Variants in ZMYM2 observed in about 807,000 individuals in gnomAD.
ZMYM2 encodes the protein zinc finger MYM-type protein 2.
ZMYM2 carries 56 observed loss-of-function variants against 162.8 expected under a neutral mutation model. The ratio of observed to expected loss-of-function variants is 0.34; its 90% confidence interval spans 0.28 to 0.43. ZMYM2 has a LOEUF of 0.43. Among genes scored for constraint, ZMYM2 ranks in the 20% least tolerant of loss-of-function variants. The pLI, the probability that ZMYM2 is intolerant of heterozygous loss-of-function variation, is 1.00. For synonymous variants in ZMYM2, 510 were observed against 541.6 expected (o/e 0.94, Z 0.81); for missense variants, 1,275 against 1,621.8 (o/e 0.79, Z 3.67).
intron 19 of ZMYM2, among the ~76,000 whole-genome samples, chr13:20,065,642 TA>T (rs912241188): frequency 2.0e-5 from 3 of 151,584 alleles, no homozygotes; most frequent in African/African-American, 7.3e-5. Context: ...CTACAAAAAC[TA>T]AAAAATAAAA....
chr13:19,938,641 G>C, the ZMYM2 span, among the ~76,000 whole-genome samples: 1 of 152,084 alleles, frequency 6.6e-6, no homozygotes, highest in South Asian at 2.1e-4. Flanking sequence ...AGATAGACTA[G>C]ACCAAGCAAA....
chr13:19,955,827 G>A (rs1244119430), upstream of ZMYM2, among the ~76,000 whole-genome samples: 2 of 152,128 alleles, frequency 1.3e-5, no homozygotes, highest in African/African-American at 2.4e-5. Context: ...ATAAGGAAAT[G>A]GACTCAGAGA....
intron 9 of ZMYM2, among the ~76,000 whole-genome samples, chr13:20,027,773 A>G (rs993657331): frequency 7.2e-5 from 11 of 152,182 alleles, no homozygotes; most frequent in Non-Finnish European, 2.9e-5. Context: ...ATACAAGATC[A>G]GTTTAGGGAG....
chr13:19,993,013 C>T (rs1949745636), intron 2 of ZMYM2, 50 bp from the exon 3 acceptor site: 1 of 1,511,494 alleles, frequency 6.6e-7, no homozygotes, highest in African/African-American at 1.4e-5. Context: ...GTTAGAGTAA[C>T]ATAAAAAGTC....
At chr13:20,061,328 TG>T in intron 17 of ZMYM2, 104 bp downstream of exon 17, 1 of 1,276,324 alleles carries the variant, frequency 7.8e-7, no homozygotes, top group Non-Finnish European at 1.1e-6. Flanking sequence ...TCAACTTATG[TG>T]GGGGTGAGGA....
the ZMYM2 span, among the ~76,000 whole-genome samples, chr13:19,895,846 C>T: frequency 1.3e-5 from 2 of 151,370 alleles, 1 homozygote; most frequent in South Asian, 4.2e-4. Context: ...TTCACAATAG[C>T]TAAAATGTGG....
At chr13:20,030,518 C>T (rs1953010935) in intron 9 of ZMYM2, among the ~76,000 whole-genome samples, 1 of 151,902 alleles carries the variant, frequency 6.6e-6, no homozygotes, top group Admixed American at 6.6e-5. Context: ...CCTGCCTCAA[C>T]CTCCTGAGTA....
At chr13:19,882,200 T>C in the ZMYM2 span, among the ~76,000 whole-genome samples, 1 of 152,148 alleles carries the variant, frequency 6.6e-6, no homozygotes, top group Non-Finnish European at 1.5e-5. Flanking sequence ...TTAAAAACTT[T>C]TGTGCATCCC....
At chr13:20,016,772 C>T (rs369703279) in intron 6 of ZMYM2, among the ~76,000 whole-genome samples, 4 of 152,036 alleles carry the variant, frequency 2.6e-5, no homozygotes, top group East Asian at 1.9e-4. Flanking sequence ...TCCGTATTTT[C>T]TTTGTCTTTT....
At chr13:20,072,855 T>C (rs1416285451) in intron 21 of ZMYM2, among the ~76,000 whole-genome samples, 1 of 152,152 alleles carries the variant, frequency 6.6e-6, no homozygotes, top group Non-Finnish European at 1.5e-5. Flanking sequence ...GGTAATATTT[T>C]CTTATTATCC....
At chr13:20,035,074 A>G (rs1398104115) in intron 11 of ZMYM2, among the ~76,000 whole-genome samples, 2 of 152,062 alleles carry the variant, frequency 1.3e-5, no homozygotes, top group East Asian at 1.9e-4. Flanking sequence ...TTCACTTTCT[A>G]TCTTTCTTTG....
At chr13:19,989,785 G>A (rs1949461015) in intron 2 of ZMYM2, among the ~76,000 whole-genome samples, 1 of 152,050 alleles carries the variant, frequency 6.6e-6, no homozygotes, top group African/African-American at 2.4e-5. Flanking sequence ...CCCCCACCTC[G>A]CCACTACCCT....
At chr13:19,877,898 C>A in the ZMYM2 span, among the ~76,000 whole-genome samples, 7 of 152,210 alleles carry the variant, frequency 4.6e-5, 1 homozygote, top group South Asian at 1.2e-3. Flanking sequence ...ATTTTTTTGA[C>A]TATATACACC....
chr13:20,033,649 A>C (rs987355627), intron 10 of ZMYM2, among the ~76,000 whole-genome samples: 5 of 152,224 alleles, frequency 3.3e-5, no homozygotes, highest in African/African-American at 1.2e-4. Context: ...TAACTTGTTC[A>C]TACCTGCTTG....
chr13:20,035,258 A>G (rs1259984874), intron 11 of ZMYM2, among the ~76,000 whole-genome samples: 2 of 152,238 alleles, frequency 1.3e-5, no homozygotes, highest in African/African-American at 4.8e-5. Context: ...AGCAAAATAA[A>G]AAGATTTATC....
the ZMYM2 span, among the ~76,000 whole-genome samples, chr13:19,910,181 T>C: frequency 2.0e-5 from 3 of 151,952 alleles, no homozygotes; most frequent in Non-Finnish European, 4.4e-5. Context: ...GAGCCGAGAT[T>C]GCGCCACTGC....
At chr13:19,887,927 C>T in the ZMYM2 span, among the ~76,000 whole-genome samples, 6 of 150,712 alleles carry the variant, frequency 4.0e-5, no homozygotes, top group African/African-American at 1.5e-4. Context: ...GTCACCCAGG[C>T]TGGAGAGCAG....
chr13:20,033,406 T>A (rs1205022052), intron 10 of ZMYM2, among the ~76,000 whole-genome samples: 1 of 152,174 alleles, frequency 6.6e-6, no homozygotes, highest in Non-Finnish European at 1.5e-5. Flanking sequence ...TTCAGTGGTC[T>A]CTTTCTCCTC....
At chr13:20,040,647 T>G (rs754377279) in intron 12 of ZMYM2, among the ~76,000 whole-genome samples, 1 of 152,180 alleles carries the variant, frequency 6.6e-6, no homozygotes, top group Non-Finnish European at 1.5e-5. Context: ...TCTGCTAGCT[T>G]TGGGATTGGT....
Sources: allele counts gnomAD v4.1 joint callset (sites outside exome capture counted in the v4.1 genomes callset), GRCh38; gene constraint gnomAD v4.1.1; transcripts MANE v1.5; gene names NCBI Gene and HGNC (gene_info 2026-07-23, HGNC 2026-07-21).